Variants in BAZ1A observed in about 807,000 individuals in gnomAD.
The protein encoded by BAZ1A is bromodomain adjacent to zinc finger domain 1A, also known as bromodomain adjacent to zinc finger domain protein 1A.
Under a neutral mutation model 185.2 loss-of-function variants are expected in BAZ1A, and 50 were observed. That is an observed-to-expected ratio of 0.27 (90% CI 0.22 to 0.34). BAZ1A has a LOEUF of 0.34. BAZ1A is among the 10% of genes least tolerant of loss of function. The probability of loss-of-function intolerance (pLI) is 1.00; values close to 1 mark genes in which losing one functional copy is unlikely to be tolerated. For missense variants in BAZ1A, 1,356 were observed against 1,839.9 expected, an observed-to-expected ratio of 0.74 and a Z score of 4.81; for synonymous variants, 571 against 615.6, an observed-to-expected ratio of 0.93 and a Z score of 1.07.
chr14:34,757,053 C>T (rs1886280707), intron 25 of BAZ1A, among the ~76,000 whole-genome samples: 1 of 152,168 alleles, frequency 6.6e-6, no homozygotes, highest in South Asian at 2.1e-4. Flanking sequence ...CATTGTAACA[C>T]ACCATCATTA....
intron 3 of BAZ1A, among the ~76,000 whole-genome samples, chr14:34,841,429 C>T (rs1002562182): frequency 6.6e-6 from 1 of 151,824 alleles, no homozygotes; most frequent in African/African-American, 2.4e-5. Flanking sequence ...CTCGCTTTGT[C>T]GCCCAGGCTG....
chr14:34,870,613 T>A (rs894041408), intron 2 of BAZ1A, among the ~76,000 whole-genome samples: 4 of 152,208 alleles, frequency 2.6e-5, no homozygotes, highest in Admixed American at 2.6e-4. Context: ...TACACAAAGA[T>A]CTAGGCAGCC....
In BAZ1A at chr14:34,802,985, A is replaced by G. The variant is rs766642585; in HGVS notation, c.730T>C (p.Ser244Pro). Residue 244 changes from serine to proline, a missense_variant, in exon 7 of 27, where the codon TCA becomes CCA. By Grantham distance (74) the Ser-to-Pro change is moderately conservative. Around this residue, in one of 7 missense-constraint regions of BAZ1A, gnomAD observed 332 missense variants for 395.3 expected, o/e 0.84. Coordinates refer to ENST00000360310, the MANE Select transcript of BAZ1A (RefSeq NM_013448.3). ...PQDGVIKIKASSLSTYKIAEQ... is the reference protein window; with the variant it reads ...PQDGVIKIKAPSLSTYKIAEQ... ...GCTATTTTATACGTTGAAAGAGATG[A>G]TGCCTTAATAAAACAAAGACATAGG... 6.2e-7 allele frequency: 1 copy of G among 1,609,590 alleles called. No individual in the cohort carries two copies. Among genetic ancestry groups the G allele is most frequent in the Non-Finnish European group, 8.5e-7 (1 of 1,176,176 alleles).
At chr14:34,855,026 C>T (rs916683139) in intron 3 of BAZ1A, among the ~76,000 whole-genome samples, 7 of 152,152 alleles carry the variant, frequency 4.6e-5, no homozygotes, top group African/African-American at 1.7e-4. Context: ...TTGCAGTGAG[C>T]TGAGATCGCG....
intron 3 of BAZ1A, among the ~76,000 whole-genome samples, chr14:34,841,836 A>G (rs2042420035): frequency 6.6e-6 from 1 of 152,174 alleles, no homozygotes. Context: ...CTGATCATTT[A>G]CTCATATTTA....
chr14:34,874,338 G>C lies in BAZ1A; in HGVS notation c.113+154C>G. 1.4e-6 allele frequency: 1 copy of C among 694,886 alleles called. No homozygotes were observed. The highest frequency in any genetic ancestry group is 1.7e-5 in the South Asian group (1 of 57,246). The allele number at this position is 694,886 out of a possible 1,614,324, so 43.0% of individuals were successfully genotyped here. Reference sequence around the variant, plus strand: ...TGGCCCCGCGCGTTCTCCAGGTGGAGGCCAGGAGGCAGAGAACCGCGGGCC... The same window carrying C: ...TGGCCCCGCGCGTTCTCCAGGTGGACGCCAGGAGGCAGAGAACCGCGGGCC... On this transcript the variant is annotated intron_variant, in intron 2 of 26. Coordinates refer to ENST00000360310, the MANE Select transcript of BAZ1A (RefSeq NM_013448.3). The surrounding 1 kb of genome is among the most constrained non-coding windows in gnomAD (Gnocchi z 4.7).
chr14:34,810,337 C>T (rs945656856), intron 5 of BAZ1A, among the ~76,000 whole-genome samples: 2 of 152,128 alleles, frequency 1.3e-5, no homozygotes, highest in Admixed American at 6.6e-5. Flanking sequence ...TAACTACTCA[C>T]TAAAGCAACT....
At chr14:34,873,567 C>A (rs1370828078) in intron 2 of BAZ1A, among the ~76,000 whole-genome samples, 1 of 152,146 alleles carries the variant, frequency 6.6e-6, no homozygotes, top group Admixed American at 6.5e-5. Flanking sequence ...CCCACATGCG[C>A]AGGGGGATAA....
At chr14:34,842,924 G>A (rs557379357) in intron 3 of BAZ1A, among the ~76,000 whole-genome samples, 16 of 152,026 alleles carry the variant, frequency 1.1e-4, no homozygotes, top group African/African-American at 3.9e-4. Context: ...CAAAGCCCTA[G>A]GGCTCATTCA....
At chr14:34,859,734 C>A (rs1289656176) in intron 3 of BAZ1A, among the ~76,000 whole-genome samples, 2 of 152,102 alleles carry the variant, frequency 1.3e-5, no homozygotes, top group Non-Finnish European at 2.9e-5. Context: ...CTTACTACTC[C>A]CTTGTCAATG....
At chr14:34,820,959 T>C (rs942901009) in intron 4 of BAZ1A, among the ~76,000 whole-genome samples, 1 of 143,714 alleles carries the variant, frequency 7.0e-6, no homozygotes, top group African/African-American at 2.5e-5. Context: ...TATGGATTAG[T>C]GTAGTTTCAG....
intron 3 of BAZ1A, among the ~76,000 whole-genome samples, chr14:34,827,006 C>T (rs1470456835): frequency 6.6e-6 from 1 of 152,186 alleles, no homozygotes; most frequent in Non-Finnish European, 1.5e-5. Context: ...ACATCAACAA[C>T]TCCAGGTCCA....
intron 5 of BAZ1A, among the ~76,000 whole-genome samples, chr14:34,808,354 G>C (rs1270177036): frequency 2.8e-4 from 42 of 151,592 alleles, no homozygotes; most frequent in Non-Finnish European, 1.8e-4. Context: ...AAAATTAGCT[G>C]GGCGGTAGTG....
chr14:34,863,354 G>A (rs1180788508), intron 2 of BAZ1A, among the ~76,000 whole-genome samples: 1 of 151,628 alleles, frequency 6.6e-6, no homozygotes, highest in Non-Finnish European at 1.5e-5. Flanking sequence ...GTAGAGACGG[G>A]GTTTCTCCAT....
chr14:34,857,878 C>A (rs1451672951), intron 3 of BAZ1A, among the ~76,000 whole-genome samples: 2 of 152,190 alleles, frequency 1.3e-5, no homozygotes, highest in Non-Finnish European at 2.9e-5. Context: ...TCCTCCACAG[C>A]AACATTCTCT....
At chr14:34,847,578 G>C (rs778760317) in intron 3 of BAZ1A, among the ~76,000 whole-genome samples, 1 of 151,796 alleles carries the variant, frequency 6.6e-6, no homozygotes, top group Non-Finnish European at 1.5e-5. Flanking sequence ...ACTTCTACTT[G>C]ATTAATCCCA....
chr14:34,828,192 C>G (rs1394377192), intron 3 of BAZ1A, among the ~76,000 whole-genome samples: 1 of 148,714 alleles, frequency 6.7e-6, no homozygotes, highest in Non-Finnish European at 1.5e-5. Context: ...ACTCCGGAGG[C>G]TGAGGAAGGA....
At chr14:34,831,795 T>C (rs905187079) in intron 3 of BAZ1A, among the ~76,000 whole-genome samples, 1 of 152,208 alleles carries the variant, frequency 6.6e-6, no homozygotes, top group African/African-American at 2.4e-5. Flanking sequence ...TTGGTCCTTT[T>C]CAAGCTGCTC....
intron 25 of BAZ1A, among the ~76,000 whole-genome samples, chr14:34,757,965 T>A (rs1259395359): frequency 6.0e-5 from 9 of 151,054 alleles, no homozygotes; most frequent in Admixed American, 1.3e-4. Context: ...GCCAGGATGG[T>A]CTTGATCTCC....
Sources: allele counts gnomAD v4.1 joint callset (sites outside exome capture counted in the v4.1 genomes callset), GRCh38; gene constraint gnomAD v4.1.1; regional missense constraint gnomAD v4.1.1; non-coding constraint Gnocchi (gnomAD v3.1); transcripts MANE v1.5; gene names NCBI Gene and HGNC (gene_info 2026-07-23, HGNC 2026-07-21).